LRRFIP2: variants seen among roughly 807,000 people sequenced by gnomAD.
LRRFIP2 encodes the protein LRR binding FLII interacting protein 2.
LRRFIP2 carries 109 observed loss-of-function variants against 125.9 expected under a neutral mutation model. That is an observed-to-expected ratio of 0.87 (90% CI 0.74 to 1.01). The LOEUF (loss-of-function observed/expected upper bound fraction) is 1.01. Ranked by LOEUF, LRRFIP2 falls within the 50% of genes least tolerant of loss-of-function variation. LRRFIP2 has a pLI of 0.00. For synonymous variants in LRRFIP2, 291 were observed against 293.1 expected (o/e 0.99, Z 0.07); for missense variants, 850 against 862.3 (o/e 0.99, Z 0.18).
chr3:37,065,872 G>C lies in LRRFIP2; in HGVS notation c.1637C>G (p.Ala546Gly), dbSNP rs779408082. 3 of 1,614,150 alleles carry C rather than the reference G, an allele frequency of 1.9e-6. No individual in the cohort carries two copies. Among genetic ancestry groups the C allele is most frequent in the Middle Eastern group, 1.6e-4 (1 of 6,062 alleles). ...GDVSHEPVAG[A>G]ITVVSQEAAQ... is the part of the protein sequence containing the mutation. ...AGCTTCCTGAGACACAACAGTGATG[G>C]CTCCAGCCACTGGTTCATGACTGAC... Residue 546 changes from alanine (A) to glycine (G), a missense_variant, in exon 23 of 28, where the codon GCC (alanine) becomes GGC (glycine). Physicochemically the swap from Ala to Gly is moderately conservative, Grantham distance 60. Coordinates refer to ENST00000336686, the MANE Select transcript of LRRFIP2 (RefSeq NM_006309.4).
At chr3:37,100,314 G>A (rs564664967) in intron 15 of LRRFIP2, among the ~76,000 whole-genome samples, 1 of 149,780 alleles carries the variant, frequency 6.7e-6, no homozygotes, top group East Asian at 1.9e-4. Context: ...GACAGAGCGA[G>A]ACCCTGTCTC....
chr3:37,085,637 A>G (rs1296339694), intron 18 of LRRFIP2, among the ~76,000 whole-genome samples: 5 of 150,620 alleles, frequency 3.3e-5, no homozygotes, highest in Non-Finnish European at 7.4e-5. Context: ...GCTGGAGTGC[A>G]ATGGCGCGAT....
intron 1 of LRRFIP2, among the ~76,000 whole-genome samples, chr3:37,165,993 A>G (rs2096481436): frequency 6.6e-6 from 1 of 152,198 alleles, no homozygotes; most frequent in Non-Finnish European, 1.5e-5. Flanking sequence ...CTTGGACATA[A>G]TACCAAAAGC....
In LRRFIP2 at chr3:37,108,188, G is replaced by C. The variant is rs377448710; in HGVS notation, c.658-59C>G. On this transcript the variant is annotated intron_variant, in intron 12 of 27. Coordinates refer to ENST00000336686, the MANE Select transcript of LRRFIP2 (RefSeq NM_006309.4). ...AATGATCACCTCATTATTCTAATGA[G>C]AATACATTAGGGACCATTTACCTAA... 5.2e-4 allele frequency: 686 copies of C among 1,324,292 alleles called. 1 individual carries two copies. The highest frequency in any genetic ancestry group is 7.0e-4 in the Non-Finnish European group (644 of 920,322). 82.0% of individuals were successfully genotyped at this position (1,324,292 alleles called of 1,614,324 possible).
intron 1 of LRRFIP2, among the ~76,000 whole-genome samples, chr3:37,158,778 A>G (rs990113701): frequency 6.6e-6 from 1 of 152,154 alleles, no homozygotes; most frequent in African/African-American, 2.4e-5. Flanking sequence ...AAAAAATGCA[A>G]TTAATATGAA....
chr3:37,091,445 G>C lies in LRRFIP2; in HGVS notation c.1107+22C>G, dbSNP rs370304225. 6 of 1,591,994 alleles carry C rather than the reference G, an allele frequency of 3.8e-6. No individual in the cohort carries two copies. The African/African-American group carries it at 5.4e-5, about 14-fold the overall frequency. On this transcript the variant is annotated intron_variant, in intron 18 of 27. Coordinates refer to ENST00000336686, the MANE Select transcript of LRRFIP2 (RefSeq NM_006309.4). ...ACTTCTGCATACAGAGCATGCTTGG[G>C]CTGCAGAATGGGCCCTGATACCTTT...
chr3:37,064,102 T>C (rs1394658758), intron 23 of LRRFIP2: 5 of 306,924 alleles, frequency 1.6e-5, no homozygotes, highest in Non-Finnish European at 3.0e-5. Context: ...CTTTCACTAG[T>C]AGACAGACAA....
chr3:37,121,675 G>A lies in LRRFIP2; in HGVS notation c.245C>T (p.Ala82Val). The A allele has an allele frequency of 6.2e-7, 1 of 1,614,116 alleles. No individual in the cohort carries two copies. The highest frequency in any genetic ancestry group is 1.3e-5 in the African/African-American group (1 of 75,032). Reference sequence around the variant, plus strand: ...GTGACTGGACCGGTGGGAATACCTGGCCCTTTCCGAATCTTCCTGGGAAAG... The same window carrying A: ...GTGACTGGACCGGTGGGAATACCTGACCCTTTCCGAATCTTCCTGGGAAAG... ...IQKWLEDSERARYSHRSSHHR... is the reference protein window; with the variant it reads ...IQKWLEDSERVRYSHRSSHHR... Residue 82 changes from alanine (A) to valine (V), a missense_variant, in exon 5 of 28, where the codon GCC becomes GTC. Transcript: ENST00000336686.
chr3:37,134,875 T>C (rs1577213370), intron 2 of LRRFIP2: 4 of 1,265,696 alleles, frequency 3.2e-6, no homozygotes, highest in Non-Finnish European at 4.6e-6. Flanking sequence ...ACAACAAGGA[T>C]TTGTCATCCA....
Position 37,106,906 on chromosome 3 carries a change from A to T in LRRFIP2, c.714+1167T>A, listed in dbSNP as rs930261568. Among the ~76,000 whole-genome samples, 26 of 144,580 alleles carry T rather than the reference A, an allele frequency of 1.8e-4. 1 individual carries two copies. The highest frequency in any genetic ancestry group is 1.1e-3 in the South Asian group (5 of 4,564). The allele number at this position is 144,580 out of a possible 152,430, so 94.9% of individuals were successfully genotyped here. ...TAATGTCCATCACAGGGAAATGACT[A>T]TTTTTTTTTTTTTTTGAGATGGAGT... On this transcript the variant is annotated intron_variant, in intron 13 of 27. Transcript: ENST00000336686.
At chr3:37,132,962 G>A (rs746941554) in intron 2 of LRRFIP2, among the ~76,000 whole-genome samples, 4 of 152,280 alleles carry the variant, frequency 2.6e-5, no homozygotes, top group Admixed American at 6.5e-5. Flanking sequence ...GGTGGCTCAC[G>A]CCTGTAATCT....
chr3:37,164,963 C>T (rs570398374), intron 1 of LRRFIP2, among the ~76,000 whole-genome samples: 38 of 151,970 alleles, frequency 2.5e-4, no homozygotes, highest in Non-Finnish European at 2.9e-4. Context: ...CAGCCTGGTG[C>T]GGTGGCTGAC....
intron 4 of LRRFIP2, among the ~76,000 whole-genome samples, chr3:37,122,224 A>G (rs553872686): frequency 1.1e-4 from 17 of 151,932 alleles, no homozygotes; most frequent in African/African-American, 3.9e-4. Context: ...AGCTTCATCC[A>G]TGTCCCTACA....
At chr3:37,170,024 T>TAAGG (rs1466408701) in intron 1 of LRRFIP2, among the ~76,000 whole-genome samples, 1 of 152,170 alleles carries the variant, frequency 6.6e-6, no homozygotes, top group Non-Finnish European at 1.5e-5. Flanking sequence ...AATAAACTGA[T>TAAGG]AAGGAAGAAA....
rs142105227 is a variant in LRRFIP2, at chr3:37,076,899, A to T, written c.1279-1783T>A. On this transcript the variant is annotated intron_variant, in intron 19 of 27. Coordinates refer to ENST00000336686, the MANE Select transcript of LRRFIP2 (RefSeq NM_006309.4). ...AAACAAACAAAAACTAGAAAGAAAG[A>T]AAACACTAACTGCATAGAATAATAA... is the stretch of plus-strand genomic sequence containing the variant. Among the ~76,000 whole-genome samples the T allele has an allele frequency of 1.4e-4, 22 of 152,236 alleles. No individual in the cohort carries two copies. In the East Asian group the frequency reaches 4.3e-3, roughly 29 times the overall value.
intron 17 of LRRFIP2, among the ~76,000 whole-genome samples, chr3:37,092,250 A>G (rs1439066565): frequency 3.3e-5 from 5 of 152,198 alleles, no homozygotes; most frequent in Non-Finnish European, 7.3e-5. Flanking sequence ...CTTGTTATAT[A>G]AGGTCTATTC....
chr3:37,108,044 A>G lies in LRRFIP2; in HGVS notation c.714+29T>C, dbSNP rs199661152. On this transcript the variant is annotated intron_variant, in intron 13 of 27. Transcript: ENST00000336686. ...ATTAACGCAACAATCAAAAATTTCT[A>G]CAAAGCATGCAGAGACTAGACAGCT... 1.9e-5 allele frequency: 31 copies of G among 1,601,138 alleles called. No homozygotes were observed. The East Asian group carries it at 6.5e-4, about 33-fold the overall frequency.
chr3:37,084,918 G>T (rs999933516), intron 18 of LRRFIP2, among the ~76,000 whole-genome samples: 5 of 151,990 alleles, frequency 3.3e-5, no homozygotes, highest in African/African-American at 9.7e-5. Flanking sequence ...AAAAATACTA[G>T]CACAAATGTT....
chr3:37,053,800 C>A lies in LRRFIP2; in HGVS notation c.*51G>T. ...TTTGTGTCAATGGACAAAAGTCAGT[C>A]CCTCTAGGTAGGGCCCCAAGGAGCA... is the stretch of plus-strand genomic sequence containing the variant. On this transcript the variant is annotated 3_prime_UTR_variant, in exon 28 of 28. Coordinates refer to ENST00000336686, the MANE Select transcript of LRRFIP2 (RefSeq NM_006309.4). 1.6e-6 allele frequency: 2 copies of A among 1,232,120 alleles called. No individual in the cohort carries two copies. Among genetic ancestry groups the A allele is most frequent in the Non-Finnish European group, 2.4e-6 (2 of 832,822 alleles). The allele number at this position is 1,232,120 out of a possible 1,614,324, so 76.3% of individuals were successfully genotyped here. A position where few individuals can be genotyped will look rare whatever the true frequency, so the allele number is the denominator to read the frequency against.
Sources: gnomAD v4.1 joint callset for allele counts (sites outside exome capture counted in the v4.1 genomes callset) on GRCh38, gnomAD v4.1.1 for gene constraint, MANE v1.5 for transcripts, NCBI Gene and HGNC (gene_info 2026-07-23, HGNC 2026-07-21) for gene names.